The following SYT9 variants were observed in gnomAD, a reference collection of about 807,000 sequenced individuals.
SYT9 encodes synaptotagmin-9.
In SYT9, 22 loss-of-function variants were observed where a neutral mutation model predicts 48.4. That is an observed-to-expected ratio of 0.45 (90% CI 0.32 to 0.65). The LOEUF is 0.65. Ranked by LOEUF, SYT9 falls within the 30% of genes least tolerant of loss-of-function variation. The pLI is 0.03. For missense variants in SYT9, 577 were observed against 622.0 expected (o/e 0.93, Z 0.77); for synonymous variants, 265 against 245.0 (o/e 1.08, Z -0.76).
chr11:7,313,272 A>G, intron 2 of SYT9, 123 bp from the exon 3 acceptor site: 1 of 1,003,784 alleles, frequency 1.0e-6, no homozygotes. Flanking sequence ...CACACACAAA[A>G]AAGGCCCACA....
rs1847888133 is a variant in SYT9 at position 7,252,350 on chromosome 11, G to T, written c.145+19G>T. ...GACCCAGGTGAGTGCCGCCACCGCC[G>T]CCTGGAGGGACCTAAGGGCCCTGGG... On this transcript the variant is annotated intron_variant, in intron 1 of 6. Coordinates refer to ENST00000318881, the MANE Select transcript of SYT9 (RefSeq NM_175733.4). This position sits in a 1 kb window ranked among gnomAD's most constrained non-coding sequence, Gnocchi z 6.3. 3.5e-6 allele frequency: 5 copies of T among 1,448,532 alleles called. No individual in the cohort carries two copies. Among genetic ancestry groups the T allele is most frequent in the Non-Finnish European group, 3.6e-6 (4 of 1,099,844 alleles). 89.7% of individuals were successfully genotyped at this position (1,448,532 alleles called of 1,614,324 possible).
At chr11:7,339,089 T>C (rs1408968653) in intron 3 of SYT9, among the ~76,000 whole-genome samples, 1 of 152,210 alleles carries the variant, frequency 6.6e-6, no homozygotes, top group Non-Finnish European at 1.5e-5. Context: ...TTTACCAATA[T>C]GTAATGACCT....
intron 6 of SYT9, chr11:7,465,678 G>T (rs1323141755): frequency 6.5e-6 from 1 of 154,662 alleles, no homozygotes; most frequent in African/African-American, 2.4e-5. Context: ...CATCCCAGCT[G>T]TATTAGTCCA....
intron 3 of SYT9, among the ~76,000 whole-genome samples, chr11:7,391,734 C>G (rs11041346): frequency 4.1e-5 from 1 of 24,610 alleles, no homozygotes; most frequent in Non-Finnish European, 7.2e-5. Flanking sequence ...AACCCCATCT[C>G]TAAAAAAAAA....
At chr11:7,366,996 A>G (rs991784368) in intron 3 of SYT9, among the ~76,000 whole-genome samples, 8 of 150,254 alleles carry the variant, frequency 5.3e-5, no homozygotes, top group Non-Finnish European at 1.2e-4. Flanking sequence ...TGGATATTCC[A>G]TGCTCTGGTG....
intron 1 of SYT9, among the ~76,000 whole-genome samples, chr11:7,257,021 C>T (rs1847984509): frequency 6.6e-6 from 1 of 152,136 alleles, no homozygotes; most frequent in Admixed American, 6.5e-5. Context: ...ACAAAAACTA[C>T]CAATGACTGG....
At chr11:7,415,152 C>T (rs1847217332) in intron 3 of SYT9, among the ~76,000 whole-genome samples, 1 of 152,120 alleles carries the variant, frequency 6.6e-6, no homozygotes, top group South Asian at 2.1e-4. Context: ...AGAGCTGCTG[C>T]AAAGTGGAAC....
rs960076647 is a variant in SYT9, at chr11:7,449,945, C to G, written c.1468-16847C>G. On this transcript the variant is annotated intron_variant, in intron 6 of 6. Coordinates refer to ENST00000318881, the MANE Select transcript of SYT9 (RefSeq NM_175733.4). ...CACCCCCTCCCCTGTGCCCAGCTAA[C>G]TTCTCAACTCCTGTCTGCCTTCTCC... Among the ~76,000 whole-genome samples the G allele has an allele frequency of 3.3e-5, 5 of 152,262 alleles. No individual in the cohort carries two copies. In the East Asian group the frequency reaches 7.7e-4, roughly 24 times the overall value.
chr11:7,344,618 A>G (rs1580506), intron 3 of SYT9, among the ~76,000 whole-genome samples: 94,981 of 151,864 alleles, frequency 0.63, 30,435 homozygotes, highest in Non-Finnish European at 0.69. Flanking sequence ...GTGAATGCAT[A>G]TGTGTGTGTA....
chr11:7,272,199 C>A (rs1363273364), intron 1 of SYT9, among the ~76,000 whole-genome samples: 1 of 151,994 alleles, frequency 6.6e-6, no homozygotes, highest in Non-Finnish European at 1.5e-5. Flanking sequence ...GAACTGAGGG[C>A]GTGAGTAAGG....
chr11:7,344,027 A>T (rs1849757914), intron 3 of SYT9, among the ~76,000 whole-genome samples: 4 of 152,180 alleles, frequency 2.6e-5, no homozygotes, highest in Admixed American at 2.6e-4. Context: ...CTCTCACAAC[A>T]CATGGGAATT....
At chr11:7,311,854 A>G (rs1849140156) in intron 2 of SYT9, among the ~76,000 whole-genome samples, 1 of 152,138 alleles carries the variant, frequency 6.6e-6, no homozygotes, top group African/African-American at 2.4e-5. Context: ...CATTGGTTCC[A>G]CTTCTGGACA....
At chr11:7,451,046 C>T (rs1047757391) in intron 6 of SYT9, among the ~76,000 whole-genome samples, 3 of 152,160 alleles carry the variant, frequency 2.0e-5, no homozygotes, top group Non-Finnish European at 4.4e-5. Flanking sequence ...CTGCTGGCAC[C>T]GATTCATCAT....
chr11:7,391,543 T>G (rs144136874), intron 3 of SYT9, among the ~76,000 whole-genome samples: 1 of 151,894 alleles, frequency 6.6e-6, no homozygotes. Flanking sequence ...TCATTTGCAT[T>G]GTGGTTTTCA....
chr11:7,414,759 G>A (rs1246927419), intron 3 of SYT9, among the ~76,000 whole-genome samples: 3 of 152,180 alleles, frequency 2.0e-5, no homozygotes, highest in Non-Finnish European at 4.4e-5. Context: ...TCCTGTGGAA[G>A]CAATCAAGAA....
chr11:7,377,249 T>C (rs1463792207), intron 3 of SYT9, among the ~76,000 whole-genome samples: 1 of 151,876 alleles, frequency 6.6e-6, no homozygotes, highest in African/African-American at 2.4e-5. Flanking sequence ...TTAGTTAACA[T>C]ATGTATTTCA....
rs1847553918 is a variant in SYT9, at chr11:7,430,718, G to T, written c.1467+10083G>T. The stretch of plus-strand genomic sequence containing the variant: ...TCTTGCAAGATCTGGTCATTTAAAA[G>T]TGTGTGGCACCTTCCACCCTGCCTT... On this transcript the variant is annotated intron_variant, in intron 6 of 6. Transcript: ENST00000318881. Among the ~76,000 whole-genome samples the T allele has an allele frequency of 1.3e-5, 2 of 152,088 alleles. 1 individual carries two copies. The highest frequency in any genetic ancestry group is 4.8e-5 in the African/African-American group (2 of 41,400).
At chr11:7,238,875 C>T (rs138631958) in exon 1 of SYT9, 46 of 455,920 alleles carry the variant, frequency 1.0e-4, no homozygotes, top group African/African-American at 6.2e-4. Context: ...CAAATGCTGG[C>T]GAAGGTGGTG....
At chr11:7,445,654 C>T (rs1847913724) in intron 6 of SYT9, among the ~76,000 whole-genome samples, 1 of 152,184 alleles carries the variant, frequency 6.6e-6, no homozygotes, top group South Asian at 2.1e-4. Flanking sequence ...AAGTTTCTGA[C>T]CTAAGTCACT....
Sources: gnomAD v4.1 joint callset for allele counts (sites outside exome capture counted in the v4.1 genomes callset) on GRCh38, gnomAD v4.1.1 for gene constraint, Gnocchi (gnomAD v3.1) non-coding constraint, MANE v1.5 for transcripts, NCBI Gene and HGNC (gene_info 2026-07-23, HGNC 2026-07-21) for gene names.